The following TTLL1 variants were observed in gnomAD, a reference collection of about 807,000 sequenced individuals.
The protein encoded by TTLL1 is TTL family tubulin polyglutamylase complex subunit L1.
Under a neutral mutation model 47.8 loss-of-function variants are expected in TTLL1, and 33 were observed. That is an observed-to-expected ratio of 0.69 (90% CI 0.52 to 0.92). The LOEUF (loss-of-function observed/expected upper bound fraction) is 0.92. Among genes scored for constraint, TTLL1 ranks in the 40% least tolerant of loss-of-function variants. The pLI, the probability that TTLL1 is intolerant of heterozygous loss-of-function variation, is 0.00. For synonymous variants in TTLL1, 225 were observed against 214.1 expected, an observed-to-expected ratio of 1.05 and a Z score of -0.45; for missense variants, 488 against 547.5, an observed-to-expected ratio of 0.89 and a Z score of 1.08.
At chr22:43,040,018 G>A (rs1405081616) in intron 10 of TTLL1, 113 bp from the exon 11 acceptor site, 5 of 1,457,092 alleles carry the variant, frequency 3.4e-6, no homozygotes, top group Non-Finnish European at 3.7e-6. Flanking sequence ...GGCCTGAGGG[G>A]GCCCCACCCT....
intron 10 of TTLL1, among the ~76,000 whole-genome samples, chr22:43,043,714 A>G (rs886186962): frequency 4.0e-5 from 6 of 151,870 alleles, no homozygotes; most frequent in African/African-American, 1.2e-4. Context: ...CCTGGTGTGG[A>G]GACTGCTTTC....
chr22:43,044,739 T>C (rs529828697), intron 10 of TTLL1, among the ~76,000 whole-genome samples: 1 of 151,004 alleles, frequency 6.6e-6, no homozygotes, highest in Non-Finnish European at 1.5e-5. Flanking sequence ...ACCGCACATG[T>C]CACTGTATGT....
intron 5 of TTLL1, 138 bp downstream of exon 5, chr22:43,068,272 G>C (rs1927877644): frequency 1.5e-6 from 1 of 659,708 alleles, no homozygotes; most frequent in Non-Finnish European, 2.3e-6. Context: ...AGCTGAGATT[G>C]TGCCACTGTA....
At chr22:43,067,144 A>C (rs1927790028) in intron 5 of TTLL1, among the ~76,000 whole-genome samples, 1 of 152,200 alleles carries the variant, frequency 6.6e-6, no homozygotes, top group South Asian at 2.1e-4. Flanking sequence ...CTGAGAAAAA[A>C]CAAAGACAGA....
intron 3 of TTLL1, among the ~76,000 whole-genome samples, chr22:43,071,916 C>G (rs1031685132): frequency 1.6e-4 from 25 of 152,222 alleles, no homozygotes; most frequent in African/African-American, 6.0e-4. Context: ...CTGCCATGTA[C>G]AACACCTACC....
intron 2 of TTLL1, 87 bp from the exon 3 acceptor site, chr22:43,075,677 T>G: frequency 9.6e-6 from 11 of 1,143,486 alleles, no homozygotes; most frequent in Non-Finnish European, 1.4e-5. Flanking sequence ...AGCATGCCCA[T>G]CCCAAACTCG....
intron 3 of TTLL1, among the ~76,000 whole-genome samples, chr22:43,074,407 A>G (rs1182861871): frequency 3.4e-5 from 5 of 144,990 alleles, no homozygotes; most frequent in Non-Finnish European, 7.4e-5. Context: ...AGTCTGGGTG[A>G]CAGGAGCGAA....
chr22:43,049,563 A>G (rs1926428842), intron 9 of TTLL1, among the ~76,000 whole-genome samples: 1 of 150,096 alleles, frequency 6.7e-6, no homozygotes, highest in Non-Finnish European at 1.5e-5. Context: ...ACACACAAAA[A>G]AACCCAGCTT....
intron 10 of TTLL1, 121 bp downstream of exon 10, chr22:43,046,289 G>T: frequency 9.4e-7 from 1 of 1,068,908 alleles, no homozygotes; most frequent in Non-Finnish European, 1.4e-6. Context: ...CATGTCATTA[G>T]TAAATGAAAC....
Position 43,069,640 on chromosome 22 carries a change from A to G in TTLL1, c.318T>C (p.Tyr106=), listed in dbSNP as rs760852710. ...AEKDENGKYL[Y]LDFVPVTYML... ...GCCGGTGGAAGACGCACAAACCCAG[A>G]TAGAGGTATTTTCCATTTTCATCTT... Residue 106 remains tyrosine, a synonymous_variant, in exon 4 of 11, where the codon TAT becomes TAC. Transcript: ENST00000266254. 4 of 1,614,142 alleles carry G rather than the reference A, an allele frequency of 2.5e-6. No homozygotes were observed. The highest frequency in any genetic ancestry group is 2.2e-5 in the South Asian group (2 of 91,074).
At chr22:43,088,102 C>T (rs189102286) in intron 1 of TTLL1, among the ~76,000 whole-genome samples, 46 of 149,782 alleles carry the variant, frequency 3.1e-4, no homozygotes, top group Non-Finnish European at 1.3e-4. Context: ...GAGCCGAGAG[C>T]GACCGCACTC....
chr22:43,054,404 C>T (rs75835314), intron 8 of TTLL1, among the ~76,000 whole-genome samples: 40 of 152,038 alleles, frequency 2.6e-4, no homozygotes, highest in Non-Finnish European at 4.9e-4. Context: ...AAAGTCAAGG[C>T]ACCAACCCGA....
intron 1 of TTLL1, among the ~76,000 whole-genome samples, chr22:43,082,754 C>A (rs1000349576): frequency 1.3e-5 from 2 of 151,824 alleles, no homozygotes; most frequent in African/African-American, 4.8e-5. Flanking sequence ...TGGCTCATGC[C>A]TGTAATCCCA....
rs77133637 is a variant in TTLL1 at position 43,059,333 on chromosome 22, C to A, written c.891+51G>T. The A allele has an allele frequency of 1.4e-4, 219 of 1,571,698 alleles. 2 individuals carry two copies. The Admixed American group carries it at 1.5e-3, about 11-fold the overall frequency. On this transcript the variant is annotated intron_variant, in intron 8 of 10. Transcript: ENST00000266254. ...TTAACAGAAAGACAGCAAGCCCCCCCACTCCCAAACGGGCCCTGGGAGCCG... is the reference window on the plus strand; with the variant it reads ...TTAACAGAAAGACAGCAAGCCCCCCAACTCCCAAACGGGCCCTGGGAGCCG...
rs910457507 is a variant in TTLL1 at position 43,051,721 on chromosome 22, G to A, written c.978+80C>T. ...CCTGAGAAACATCTGGGGCCTGGGG[G>A]ACTGCTGGGCCCGAATCGGGGCAGA... On this transcript the variant is annotated intron_variant, in intron 9 of 10. Coordinates refer to ENST00000266254, the MANE Select transcript of TTLL1 (RefSeq NM_012263.5). The A allele has an allele frequency of 1.7e-5, 23 of 1,328,980 alleles. No individual in the cohort carries two copies. In the African/African-American group the frequency reaches 3.3e-4, roughly 19 times the overall value. 82.3% of individuals were successfully genotyped at this position (1,328,980 alleles called of 1,614,324 possible).
chr22:43,088,683 T>G (rs1601714915), intron 1 of TTLL1, among the ~76,000 whole-genome samples: 1 of 152,070 alleles, frequency 6.6e-6, no homozygotes, highest in Non-Finnish European at 1.5e-5. Flanking sequence ...GGCACCATAA[T>G]GTGCTCATCA....
rs994314047 is a variant in TTLL1 at position 43,062,214 on chromosome 22, C to T, written c.747+1599G>A. 6.6e-5 allele frequency among the ~76,000 whole-genome samples: 10 copies of T among 152,196 alleles called. No homozygotes were observed. In the Middle Eastern group the frequency reaches 0.01, roughly 155 times the overall value. On this transcript the variant is annotated intron_variant, in intron 7 of 10. Coordinates refer to ENST00000266254, the MANE Select transcript of TTLL1 (RefSeq NM_012263.5). ...ATTGTAAGTTGAAAGTAGATTTGGC[C>T]GGGCGCAGTAGCTCACACCTCTAAT...
At chr22:43,080,334 C>T (rs892810306) in intron 1 of TTLL1, among the ~76,000 whole-genome samples, 8 of 152,080 alleles carry the variant, frequency 5.3e-5, no homozygotes, top group African/African-American at 1.2e-4. Context: ...GATTTATAGG[C>T]GTGAGCCACC....
chr22:43,069,882 G>A (rs370348730), intron 3 of TTLL1, 38 bp from the exon 4 acceptor site: 2 of 1,609,780 alleles, frequency 1.2e-6, no homozygotes, highest in African/African-American at 2.7e-5. Flanking sequence ...TGGCAGTGAT[G>A]TCTGTGTGGC....
Sources: allele counts gnomAD v4.1 joint callset (sites outside exome capture counted in the v4.1 genomes callset), GRCh38; gene constraint gnomAD v4.1.1; transcripts MANE v1.5; gene names NCBI Gene and HGNC (gene_info 2026-07-23, HGNC 2026-07-21).